CPPED1: variants seen among roughly 807,000 people sequenced by gnomAD.
The protein encoded by CPPED1 is calcineurin like phosphoesterase domain containing 1, also known as serine/threonine-protein phosphatase CPPED1.
Under a neutral mutation model 28.0 loss-of-function variants are expected in CPPED1, and 28 were observed. The observed-to-expected ratio is 1.00, with a 90% CI of 0.74 to 1.37. The LOEUF is 1.37. Among genes scored for constraint, CPPED1 ranks in the 40% most tolerant of loss-of-function variants. CPPED1 has a pLI of 0.00. For synonymous variants in CPPED1, 198 were observed against 180.2 expected, an observed-to-expected ratio of 1.10 and a Z score of -0.79; for missense variants, 504 against 416.5, an observed-to-expected ratio of 1.21 and a Z score of -1.83.
intron 2 of CPPED1, among the ~76,000 whole-genome samples, chr16:12,710,748 A>G (rs1478637829): frequency 6.6e-6 from 1 of 152,340 alleles, no homozygotes; most frequent in East Asian, 1.9e-4. Flanking sequence ...GCCCAACACG[A>G]CTACTTATTA....
chr16:12,688,208 A>T (rs74487025), intron 3 of CPPED1, among the ~76,000 whole-genome samples: 2,265 of 152,002 alleles, frequency 0.015, 49 homozygotes, highest in African/African-American at 0.051. Flanking sequence ...TCTTAAGAGG[A>T]ACCACACCCC....
intron 2 of CPPED1, among the ~76,000 whole-genome samples, chr16:12,775,645 C>A (rs2080493553): frequency 6.6e-6 from 1 of 152,146 alleles, no homozygotes; most frequent in Non-Finnish European, 1.5e-5. Context: ...TAGGTCTGGG[C>A]AGGGCAGAGA....
At chr16:12,784,119 T>C (rs1041015900) in intron 1 of CPPED1, among the ~76,000 whole-genome samples, 6 of 152,250 alleles carry the variant, frequency 3.9e-5, no homozygotes, top group Non-Finnish European at 8.8e-5. Context: ...AGACCATGAC[T>C]TTCATCTCTT....
intron 2 of CPPED1, among the ~76,000 whole-genome samples, chr16:12,745,619 T>C (rs945395943): frequency 6.6e-6 from 1 of 152,170 alleles, no homozygotes; most frequent in Non-Finnish European, 1.5e-5. Context: ...GGGAATTAAA[T>C]GATAAGAACT....
At chr16:12,763,915 T>C (rs1027727329) in intron 2 of CPPED1, among the ~76,000 whole-genome samples, 7 of 150,334 alleles carry the variant, frequency 4.7e-5, no homozygotes, top group Admixed American at 1.3e-4. Flanking sequence ...ACCAACCTAA[T>C]ACAAGCTGGT....
rs1159607914 is a variant in CPPED1, at chr16:12,709,803, C to T, written c.290-4754G>A. 3.5e-4 allele frequency among the ~76,000 whole-genome samples: 53 copies of T among 152,008 alleles called. 1 individual carries two copies. Among genetic ancestry groups the T allele is most frequent in the Admixed American group, 3.5e-3 (53 of 15,244 alleles). ...AAGATCAGGAACAAGACAAGGAAGTCTGCTCTCACACTCTCACTGAACATC... is the reference window on the plus strand; with the variant it reads ...AAGATCAGGAACAAGACAAGGAAGTTTGCTCTCACACTCTCACTGAACATC... On this transcript the variant is annotated intron_variant, in intron 2 of 3. Transcript: ENST00000381774. The surrounding 1 kb of genome is among the most constrained non-coding windows in gnomAD (Gnocchi z 4.4).
rs146110634 is a variant in CPPED1, at chr16:12,697,051, A to G, written c.715+7573T>C. Among the ~76,000 whole-genome samples, 779 of 152,096 alleles carry G rather than the reference A, an allele frequency of 5.1e-3. 7 individuals are homozygous for G. The highest frequency in any genetic ancestry group is 0.018 in the African/African-American group (747 of 41,506). ...TTTATTTTTTATTTTTTGAGTCAGA[A>G]TCTTGCTCTGTTGCCCAGATTGGAG... On this transcript the variant is annotated intron_variant, in intron 3 of 3. Transcript: ENST00000381774.
chr16:12,718,900 T>C (rs1596458759), intron 2 of CPPED1, among the ~76,000 whole-genome samples: 1 of 152,028 alleles, frequency 6.6e-6, no homozygotes, highest in Admixed American at 6.6e-5. Context: ...GAGGGGTAGG[T>C]TGCAGTGAGC....
rs3074348 is a variant in CPPED1, at chr16:12,663,061, GTT to G, written c.*1823_*1824del. The G allele has an allele frequency of 0.74, 96,407 of 130,896 alleles. 36,539 individuals carry two copies. The highest frequency in any genetic ancestry group is 0.87 in the Non-Finnish European group (52,514 of 60,596). The allele number at this position is 130,896 out of a possible 1,614,324, so 8.1% of individuals were successfully genotyped here. A position where few individuals can be genotyped will look rare whatever the true frequency, so the allele number is the denominator to read the frequency against. On this transcript the variant is annotated 3_prime_UTR_variant, in exon 4 of 4. Coordinates refer to ENST00000381774, the MANE Select transcript of CPPED1 (RefSeq NM_018340.3). ...TCAAGTCTCAATGTGTGTGTGTGTG[GTT>G]TTTTTTTTTTTTTTTTGAGACAGAG...
At chr16:12,738,486 T>A (rs1410494431) in intron 2 of CPPED1, among the ~76,000 whole-genome samples, 2 of 152,108 alleles carry the variant, frequency 1.3e-5, no homozygotes, top group Non-Finnish European at 2.9e-5. Context: ...GTTGCAGAGA[T>A]GAAATGTCTC....
intron 2 of CPPED1, 160 bp downstream of exon 2, chr16:12,781,025 C>T: frequency 4.8e-6 from 3 of 623,870 alleles, no homozygotes; most frequent in Non-Finnish European, 5.7e-6. Context: ...CATGAGTGTG[C>T]ACTTTCTGAT....
At chr16:12,713,987 A>G (rs911573932) in intron 2 of CPPED1, among the ~76,000 whole-genome samples, 3 of 152,156 alleles carry the variant, frequency 2.0e-5, no homozygotes, top group African/African-American at 4.8e-5. Context: ...TCTACCTTCT[A>G]TAGATTTCTC....
chr16:12,668,160 AT>A (rs1437964751), intron 3 of CPPED1, among the ~76,000 whole-genome samples: 2 of 152,230 alleles, frequency 1.3e-5, no homozygotes, highest in Non-Finnish European at 2.9e-5. Context: ...TGTTTGGAAC[AT>A]AAAAACTAAA....
chr16:12,717,873 C>G lies in CPPED1; in HGVS notation c.290-12824G>C, dbSNP rs560279503. ...GCCAGGCTAGTCTCGAACTCCTGAC[C>G]TCAAGTGATCTGCTCACCTCCGCCT... On this transcript the variant is annotated intron_variant, in intron 2 of 3. Transcript: ENST00000381774. Among the ~76,000 whole-genome samples, 4 of 152,110 alleles carry G rather than the reference C, an allele frequency of 2.6e-5. No individual in the cohort carries two copies. The East Asian group carries it at 7.8e-4, about 30-fold the overall frequency.
rs1334260457 is a variant in CPPED1, at chr16:12,682,422, A to G, written c.716-17307T>C. On this transcript the variant is annotated intron_variant, in intron 3 of 3. Coordinates refer to ENST00000381774, the MANE Select transcript of CPPED1 (RefSeq NM_018340.3). The surrounding 1 kb of genome is among the most constrained non-coding windows in gnomAD (Gnocchi z 6.1). Reference sequence around the variant, plus strand: ...GACTTACAGATTCAAAACCTGTAGAATATGCAAGAGGAGGGCTGTATTTTT... The same window carrying G: ...GACTTACAGATTCAAAACCTGTAGAGTATGCAAGAGGAGGGCTGTATTTTT... Among the ~76,000 whole-genome samples the G allele has an allele frequency of 6.6e-6, 1 of 152,180 alleles. No homozygotes were observed.
chr16:12,755,988 G>A (rs1481196217), intron 2 of CPPED1, among the ~76,000 whole-genome samples: 7 of 152,084 alleles, frequency 4.6e-5, no homozygotes, highest in Admixed American at 2.0e-4. Flanking sequence ...AAAATTAGCC[G>A]GGCGTGGTCG....
chr16:12,713,633 T>A (rs1273725809), intron 2 of CPPED1, among the ~76,000 whole-genome samples: 1 of 152,114 alleles, frequency 6.6e-6, no homozygotes, highest in African/African-American at 2.4e-5. Flanking sequence ...AGTGCTAGAA[T>A]TACAGGTGTG....
intron 3 of CPPED1, among the ~76,000 whole-genome samples, chr16:12,684,103 G>C (rs2079920146): frequency 1.3e-5 from 2 of 152,190 alleles, no homozygotes; most frequent in South Asian, 4.1e-4. Context: ...AGCTGCATGG[G>C]GGTCTGGAGA....
chr16:12,681,966 C>T (rs1227219305), intron 3 of CPPED1, among the ~76,000 whole-genome samples: 1 of 152,098 alleles, frequency 6.6e-6, no homozygotes, highest in Non-Finnish European at 1.5e-5. Context: ...AGTGTGATTA[C>T]AGCATAGCAT....
Sources: gnomAD v4.1 joint callset for allele counts (sites outside exome capture counted in the v4.1 genomes callset) on GRCh38, gnomAD v4.1.1 for gene constraint, Gnocchi (gnomAD v3.1) non-coding constraint, MANE v1.5 for transcripts, NCBI Gene and HGNC (gene_info 2026-07-23, HGNC 2026-07-21) for gene names.